DPP6: variants seen among roughly 807,000 people sequenced by gnomAD.
DPP6 encodes A-type potassium channel modulatory protein DPP6.
A neutral mutation model predicts 122.6 loss-of-function variants in DPP6; 69 were observed. The ratio of observed to expected loss-of-function variants is 0.56; its 90% CI spans 0.46 to 0.69. The LOEUF (loss-of-function observed/expected upper bound fraction) is 0.69. DPP6 is among the 30% of genes least tolerant of loss of function. The probability of loss-of-function intolerance (pLI) is 0.00; values close to 1 mark genes in which losing one functional copy is unlikely to be tolerated. For synonymous variants in DPP6, 418 were observed against 433.1 expected (o/e 0.97, Z 0.43); for missense variants, 928 against 1,116.9 (o/e 0.83, Z 2.41).
chr7:154,880,213 G>A (rs3807295), intron 20 of DPP6, among the ~76,000 whole-genome samples: 56,624 of 152,046 alleles, frequency 0.37, 11,174 homozygotes, highest in East Asian at 0.61. Flanking sequence ...ACTTCGTGGG[G>A]GAAGCAGAAG....
chr7:154,123,102 A>G (rs1229484595), intron 1 of DPP6, among the ~76,000 whole-genome samples: 1 of 152,202 alleles, frequency 6.6e-6, no homozygotes, highest in African/African-American at 2.4e-5. Context: ...ATAACAGGGG[A>G]AAATGAGGTC....
intron 1 of DPP6, among the ~76,000 whole-genome samples, chr7:154,146,842 G>A (rs1796114893): frequency 6.6e-6 from 1 of 151,924 alleles, no homozygotes; most frequent in African/African-American, 2.4e-5. Context: ...CTGCTCCCCT[G>A]GGTGCACTTC....
intron 1 of DPP6, among the ~76,000 whole-genome samples, chr7:154,335,619 T>C (rs1170284891): frequency 6.6e-6 from 1 of 152,084 alleles, no homozygotes; most frequent in Non-Finnish European, 1.5e-5. Flanking sequence ...TAATTTAGAG[T>C]TGGATACTGT....
At chr7:154,172,605 CTTTT>C (rs539600568) in intron 1 of DPP6, among the ~76,000 whole-genome samples, 1 of 137,394 alleles carries the variant, frequency 7.3e-6, no homozygotes. Context: ...CTTTTTTTTT[CTTTT>C]TTTTTTTTTT....
intron 1 of DPP6, among the ~76,000 whole-genome samples, chr7:154,029,504 G>A (rs1226129093): frequency 2.0e-5 from 3 of 151,486 alleles, no homozygotes; most frequent in East Asian, 2.0e-4. Context: ...GTGACTGAGC[G>A]AGACTCCATC....
At chr7:153,800,437 T>C in the DPP6 span, among the ~76,000 whole-genome samples, 2 of 152,134 alleles carry the variant, frequency 1.3e-5, no homozygotes, top group Admixed American at 1.3e-4. Flanking sequence ...TGAGGGGACA[T>C]GAAGAGAGGT....
intron 6 of DPP6, among the ~76,000 whole-genome samples, chr7:154,658,557 G>A (rs1837417594): frequency 6.6e-6 from 1 of 152,132 alleles, no homozygotes; most frequent in African/African-American, 2.4e-5. Flanking sequence ...CTTCTGCAGG[G>A]AAGCAGGGAC....
intron 3 of DPP6, among the ~76,000 whole-genome samples, chr7:154,528,169 T>C (rs1827563049): frequency 6.6e-6 from 1 of 152,186 alleles, no homozygotes; most frequent in South Asian, 2.1e-4. Flanking sequence ...TAGCAATTGG[T>C]GGTGCTGTAA....
the DPP6 span, among the ~76,000 whole-genome samples, chr7:153,825,513 C>G: frequency 6.6e-6 from 1 of 151,928 alleles, no homozygotes; most frequent in Non-Finnish European, 1.5e-5. Context: ...AGACAGTGCC[C>G]CTTAGGGACA....
intron 1 of DPP6, among the ~76,000 whole-genome samples, chr7:154,227,231 C>CACACACACACACACACACACACACA (rs10525068): frequency 3.3e-5 from 5 of 150,700 alleles, no homozygotes; most frequent in East Asian, 3.9e-4. Flanking sequence ...CACACACACA[C>CACACACACACACACACACACACACA]CCCTAGGAAT....
At chr7:153,860,708 T>G in the DPP6 span, among the ~76,000 whole-genome samples, 1 of 152,050 alleles carries the variant, frequency 6.6e-6, no homozygotes, top group African/African-American at 2.4e-5. Context: ...AGTGTGAGTG[T>G]GCTTCCTGCC....
At chr7:154,650,513 G>A (rs766615388) in intron 6 of DPP6, among the ~76,000 whole-genome samples, 2 of 152,204 alleles carry the variant, frequency 1.3e-5, no homozygotes, top group African/African-American at 2.4e-5. Context: ...TCCTGTAAAA[G>A]AAGATAAGCC....
chr7:154,574,626 G>T (rs1831377077), intron 5 of DPP6, among the ~76,000 whole-genome samples: 1 of 128,248 alleles, frequency 7.8e-6, no homozygotes, highest in Non-Finnish European at 1.7e-5. Context: ...GTATGTGTGT[G>T]GTGTGTGTGT....
In DPP6 at chr7:154,432,344, G is replaced by A. The variant is rs142436531; in HGVS notation, c.244-13870G>A. On this transcript the variant is annotated intron_variant, in intron 1 of 25. Coordinates refer to ENST00000377770, the MANE Select transcript of DPP6 (RefSeq NM_130797.4). ...TCTGGTATGGAATGTGTATGTTGCT[G>A]TCACTTATTTAATAATAATAGTCAC... is the stretch of plus-strand genomic sequence containing the variant. 3.2e-3 allele frequency among the ~76,000 whole-genome samples: 491 copies of A among 152,246 alleles called. 1 individual carries two copies. Among genetic ancestry groups the A allele is most frequent in the Middle Eastern group, 0.017 (5 of 294 alleles).
chr7:154,203,722 C>G (rs932579246), intron 1 of DPP6, among the ~76,000 whole-genome samples: 3 of 152,206 alleles, frequency 2.0e-5, no homozygotes, highest in Non-Finnish European at 4.4e-5. Context: ...AAAGAGGCCT[C>G]TCTCTTCTGA....
chr7:154,835,471 G>C (rs1800975601), intron 16 of DPP6, among the ~76,000 whole-genome samples: 1 of 152,150 alleles, frequency 6.6e-6, no homozygotes, highest in Non-Finnish European at 1.5e-5. Context: ...CAGTCCCCAG[G>C]TACCTACTCC....
chr7:153,958,923 C>T (rs1795205388), intron 1 of DPP6, among the ~76,000 whole-genome samples: 1 of 151,960 alleles, frequency 6.6e-6, no homozygotes, highest in African/African-American at 2.4e-5. Flanking sequence ...GCTCAGTATG[C>T]ACCTTCCCAC....
chr7:154,063,916 C>T (rs1802490820), intron 1 of DPP6, among the ~76,000 whole-genome samples: 1 of 151,608 alleles, frequency 6.6e-6, no homozygotes, highest in South Asian at 2.1e-4. Context: ...TCCTGAGTCT[C>T]GGGAAGCCTC....
intron 7 of DPP6, among the ~76,000 whole-genome samples, chr7:154,715,533 G>C (rs1218571199): frequency 6.6e-6 from 1 of 152,192 alleles, no homozygotes; most frequent in Non-Finnish European, 1.5e-5. Context: ...GATTGTGATA[G>C]GCTATTTTAA....
Sources: gnomAD v4.1 joint callset for allele counts (sites outside exome capture counted in the v4.1 genomes callset) on GRCh38, gnomAD v4.1.1 for gene constraint, MANE v1.5 for transcripts, NCBI Gene and HGNC (gene_info 2026-07-23, HGNC 2026-07-21) for gene names.